The following NCF2 variants were observed in gnomAD, a reference collection of about 807,000 sequenced individuals.
NCF2 encodes the protein neutrophil cytosol factor 2.
In NCF2, 45 loss-of-function variants were observed where a neutral mutation model predicts 70.9. The ratio of observed to expected loss-of-function variants is 0.63; its 90% CI spans 0.50 to 0.81. NCF2 has a LOEUF of 0.81. Among genes scored for constraint, NCF2 ranks in the 40% least tolerant of loss-of-function variants. The pLI, the probability that NCF2 is intolerant of heterozygous loss-of-function variation, is 0.00. For synonymous variants in NCF2, 203 were observed against 233.6 expected (o/e 0.87, Z 1.19); for missense variants, 522 against 631.6 (o/e 0.83, Z 1.86).
intron 1 of NCF2, among the ~76,000 whole-genome samples, chr1:183,589,535 A>G (rs866856171): frequency 6.6e-5 from 10 of 152,340 alleles, no homozygotes; most frequent in Middle Eastern, 6.8e-3. Context: ...ATACTATGGT[A>G]TTTGAGTGAG....
chr1:183,560,318 G>C, intron 13 of NCF2, 45 bp from the exon 14 acceptor site: 2 of 1,600,608 alleles, frequency 1.2e-6, no homozygotes, highest in Non-Finnish European at 1.7e-6. Flanking sequence ...TTCCTGCCAA[G>C]TGAACACTGA....
intron 1 of NCF2, among the ~76,000 whole-genome samples, 186 bp from the exon 2 acceptor site, chr1:183,587,163 A>C (rs1673393743): frequency 6.6e-6 from 1 of 152,212 alleles, no homozygotes; most frequent in Non-Finnish European, 1.5e-5. Context: ...TAGAAGCTGA[A>C]GTCTGGGACA....
chr1:183,599,423 C>CTTCTTTCTTTTTCTTTCTTTCTTTCT, the NCF2 span, among the ~76,000 whole-genome samples: 2 of 107,426 alleles, frequency 1.9e-5, no homozygotes, highest in African/African-American at 7.6e-5. Flanking sequence ...TCTTTCTTTC[C>CTTCTTTCTTTTTCTTTCTTTCTTTCT]TTCTTTCTTT....
chr1:183,588,591 A>G (rs527782266), intron 1 of NCF2, among the ~76,000 whole-genome samples: 50 of 151,996 alleles, frequency 3.3e-4, no homozygotes, highest in Admixed American at 2.0e-3. Flanking sequence ...ATAAATAATA[A>G]AATTTATTGC....
At chr1:183,569,224 A>G in intron 6 of NCF2, 39 bp from the exon 7 acceptor site, 1 of 1,597,538 alleles carries the variant, frequency 6.3e-7, no homozygotes, top group South Asian at 1.1e-5. Context: ...GGAAAAGGCA[A>G]TGAGGGAAAG....
intron 2 of NCF2, among the ~76,000 whole-genome samples, chr1:183,584,415 A>G (rs1464678568): frequency 1.3e-5 from 2 of 152,208 alleles, no homozygotes; most frequent in Non-Finnish European, 2.9e-5. Flanking sequence ...GTTGAATTAC[A>G]GATAAAACTC....
chr1:183,567,587 T>G (rs542991098), intron 7 of NCF2: 14 of 616,194 alleles, frequency 2.3e-5, no homozygotes, highest in Middle Eastern at 2.7e-4. Flanking sequence ...CCCACAACAC[T>G]AGATAGTGAG....
intron 2 of NCF2, among the ~76,000 whole-genome samples, chr1:183,581,792 C>T (rs941695645): frequency 2.0e-5 from 3 of 152,030 alleles, no homozygotes; most frequent in Admixed American, 6.5e-5. Flanking sequence ...CTCAGCCTCC[C>T]GAGTAGCTGG....
At chr1:183,567,040 C>A (rs1202972902) in intron 8 of NCF2, 52 bp from the exon 9 acceptor site, 1 of 1,611,450 alleles carries the variant, frequency 6.2e-7, no homozygotes, top group Admixed American at 1.7e-5. Context: ...ATGTGCTCAT[C>A]AGTACCCACA....
chr1:183,578,595 A>G (rs1417717910), intron 2 of NCF2, among the ~76,000 whole-genome samples: 1 of 152,088 alleles, frequency 6.6e-6, no homozygotes, highest in Non-Finnish European at 1.5e-5. Flanking sequence ...CAAACTCCTG[A>G]CCTCGACTGA....
intron 2 of NCF2, among the ~76,000 whole-genome samples, chr1:183,582,715 A>G (rs947577477): frequency 2.0e-5 from 3 of 152,200 alleles, no homozygotes; most frequent in Non-Finnish European, 4.4e-5. Context: ...AGGCTTTGCT[A>G]TGGAGCCTCT....
chr1:183,588,646 A>C (rs1367133229), intron 1 of NCF2, among the ~76,000 whole-genome samples: 1 of 152,178 alleles, frequency 6.6e-6, no homozygotes, highest in Admixed American at 6.5e-5. Flanking sequence ...ATATTTGTTT[A>C]CTATACAAAC....
At chr1:183,576,760 T>C (rs1008979486) in intron 3 of NCF2, among the ~76,000 whole-genome samples, 1 of 152,162 alleles carries the variant, frequency 6.6e-6, no homozygotes, top group Non-Finnish European at 1.5e-5. Context: ...ACAGACTCTA[T>C]TATTAGCCCT....
rs66625837 is a variant in NCF2, at chr1:183,571,114, C to CTTTTT, written c.610-280_610-276dup. 8.4e-5 allele frequency among the ~76,000 whole-genome samples: 9 copies of CTTTTT among 106,792 alleles called. No homozygotes were observed. The East Asian group carries it at 8.5e-4, about 10-fold the overall frequency. The allele number at this position is 106,792 out of a possible 152,430, so 70.1% of individuals were successfully genotyped here. A position where few individuals can be genotyped will look rare whatever the true frequency, so the allele number is the denominator to read the frequency against. ...TGCAATTTGTATAACATCAAATTATCTTTTTTTTTTTTTTTTTTTTTGAGA... is the reference window on the plus strand; with the variant it reads ...TGCAATTTGTATAACATCAAATTATCTTTTTTTTTTTTTTTTTTTTTTTTTTGAGA... On this transcript the variant is annotated intron_variant, in intron 5 of 14. Transcript: ENST00000367535.
the NCF2 span, chr1:183,597,835 G>A: frequency 1.3e-5 from 2 of 152,260 alleles, no homozygotes; most frequent in African/African-American, 4.8e-5. Flanking sequence ...ATGAACAAGT[G>A]AAGAGTGGAC....
At chr1:183,558,504 GCAGT>G (rs1671894784) in intron 14 of NCF2, among the ~76,000 whole-genome samples, 2 of 151,936 alleles carry the variant, frequency 1.3e-5, no homozygotes, top group Non-Finnish European at 1.5e-5. Context: ...CTGACCTCAA[GCAGT>G]CAGCCCACAT....
At chr1:183,557,231 A>C (rs1034091186) in intron 14 of NCF2, among the ~76,000 whole-genome samples, 2 of 152,208 alleles carry the variant, frequency 1.3e-5, no homozygotes, top group Non-Finnish European at 2.9e-5. Context: ...ACCTGACCAC[A>C]CAGCCAGTTC....
At chr1:183,563,095 C>G in intron 13 of NCF2, 100 bp downstream of exon 13, 1 of 1,055,044 alleles carries the variant, frequency 9.5e-7, no homozygotes, top group Non-Finnish European at 1.5e-6. Context: ...CCCAACACCA[C>G]ATATAGTGCC....
intron 1 of NCF2, among the ~76,000 whole-genome samples, chr1:183,589,564 T>A (rs928647877): frequency 6.6e-6 from 1 of 152,210 alleles, no homozygotes; most frequent in Non-Finnish European, 1.5e-5. Flanking sequence ...ACGAAAAAGA[T>A]GCGAGACATC....
Sources: allele counts gnomAD v4.1 joint callset (sites outside exome capture counted in the v4.1 genomes callset), GRCh38; gene constraint gnomAD v4.1.1; transcripts MANE v1.5; gene names NCBI Gene and HGNC (gene_info 2026-07-23, HGNC 2026-07-21).